Variants in SGCZ observed in about 807,000 individuals in gnomAD.
SGCZ encodes sarcoglycan zeta.
In SGCZ, 40 loss-of-function variants were observed where a neutral mutation model predicts 41.3. The observed-to-expected ratio is 0.97, with a 90% CI of 0.75 to 1.26. The LOEUF (loss-of-function observed/expected upper bound fraction) is 1.26, where lower values mean the gene tolerates loss of function less well. Ranked by LOEUF, SGCZ falls within the 50% of genes most tolerant of loss-of-function variation. The probability of loss-of-function intolerance (pLI) is 0.00; values close to 1 mark genes in which losing one functional copy is unlikely to be tolerated. For synonymous variants in SGCZ, 206 were observed against 137.5 expected, an observed-to-expected ratio of 1.50 and a Z score of -3.49; for missense variants, 552 against 369.8, an observed-to-expected ratio of 1.49 and a Z score of -4.04.
chr8:14,897,772 G>A (rs1805256014), intron 1 of SGCZ, among the ~76,000 whole-genome samples: 1 of 152,130 alleles, frequency 6.6e-6, no homozygotes, highest in African/African-American at 2.4e-5. Context: ...CATGTGTGAT[G>A]TCTCTATCCT....
chr8:14,608,456 G>T (rs1250984595), intron 1 of SGCZ, among the ~76,000 whole-genome samples: 1 of 151,952 alleles, frequency 6.6e-6, no homozygotes, highest in Non-Finnish European at 1.5e-5. Context: ...GGAGGCGGGG[G>T]GCAGATGTGT....
intron 1 of SGCZ, among the ~76,000 whole-genome samples, chr8:14,667,400 G>A (rs146386967): frequency 1.4e-4 from 22 of 152,206 alleles, no homozygotes; most frequent in African/African-American, 2.4e-4. Flanking sequence ...AAAATCCAGT[G>A]CACAAAATGT....
intron 1 of SGCZ, among the ~76,000 whole-genome samples, chr8:14,560,626 T>A (rs12680094): frequency 1.3e-4 from 20 of 151,994 alleles, no homozygotes; most frequent in Non-Finnish European, 2.4e-4. Flanking sequence ...TTCTAGAATG[T>A]TCTATTTCTA....
chr8:14,515,456 A>G (rs1231257799), intron 2 of SGCZ, among the ~76,000 whole-genome samples: 6 of 152,140 alleles, frequency 3.9e-5, no homozygotes, highest in East Asian at 1.9e-4. Flanking sequence ...CTTGGTTTCT[A>G]ACATAACACT....
At chr8:14,298,128 A>G (rs1446025077) in intron 3 of SGCZ, among the ~76,000 whole-genome samples, 4 of 152,028 alleles carry the variant, frequency 2.6e-5, no homozygotes, top group African/African-American at 7.2e-5. Context: ...TTTAATAGAT[A>G]CAGAAAGATA....
chr8:14,156,437 G>C (rs1182685809), intron 5 of SGCZ, among the ~76,000 whole-genome samples: 2 of 151,788 alleles, frequency 1.3e-5, no homozygotes, highest in Admixed American at 6.6e-5. Context: ...CTCCAGCCTG[G>C]GTGACGGAGT....
intron 2 of SGCZ, among the ~76,000 whole-genome samples, chr8:14,413,078 A>G (rs1799403938): frequency 6.6e-6 from 1 of 152,076 alleles, no homozygotes; most frequent in Admixed American, 6.6e-5. Context: ...ATAAAGATCA[A>G]TGCATTAAAA....
At chr8:14,921,353 T>C (rs1461569740) in intron 1 of SGCZ, among the ~76,000 whole-genome samples, 1 of 152,188 alleles carries the variant, frequency 6.6e-6, no homozygotes, top group East Asian at 1.9e-4. Flanking sequence ...AGTTCAAATA[T>C]CAGTTCCTCA....
intron 1 of SGCZ, among the ~76,000 whole-genome samples, chr8:14,896,019 T>C (rs1648041034): frequency 6.6e-6 from 1 of 152,176 alleles, no homozygotes; most frequent in Non-Finnish European, 1.5e-5. Context: ...CTCAGTCCAA[T>C]CTCTACTTAG....
Position 14,637,358 on chromosome 8 carries a change from C to A in SGCZ, c.40-82432G>T, listed in dbSNP as rs116264222. On this transcript the variant is annotated intron_variant, in intron 1 of 7. Coordinates refer to ENST00000382080, the MANE Select transcript of SGCZ (RefSeq NM_139167.4). Reference sequence around the variant, plus strand: ...TTATTTTAGACTCGGAGTACACGTGCAGGTTTGTTACACGAGTAAATTGCG... The same window carrying A: ...TTATTTTAGACTCGGAGTACACGTGAAGGTTTGTTACACGAGTAAATTGCG... Among the ~76,000 whole-genome samples the A allele has an allele frequency of 6.0e-5, 9 of 151,230 alleles. No homozygotes were observed. The East Asian group carries it at 1.2e-3, about 20-fold the overall frequency.
At chr8:14,514,969 G>A (rs562038758) in intron 2 of SGCZ, among the ~76,000 whole-genome samples, 6 of 151,818 alleles carry the variant, frequency 4.0e-5, no homozygotes, top group African/African-American at 7.2e-5. Context: ...ATCCAATTCC[G>A]ATTATAATTG....
At chr8:14,566,893 T>C (rs915672113) in intron 1 of SGCZ, among the ~76,000 whole-genome samples, 1 of 151,838 alleles carries the variant, frequency 6.6e-6, no homozygotes, top group African/African-American at 2.4e-5. Flanking sequence ...GGTGGGCGGC[T>C]GTGGGCTCGG....
chr8:15,133,431 T>C (rs532975533), intron 1 of SGCZ, among the ~76,000 whole-genome samples: 1 of 152,314 alleles, frequency 6.6e-6, no homozygotes, highest in African/African-American at 2.4e-5. Context: ...TAGCCCTCAG[T>C]GAAAATCTTT....
intron 1 of SGCZ, among the ~76,000 whole-genome samples, chr8:14,842,987 C>T (rs144687399): frequency 2.0e-5 from 3 of 152,248 alleles, no homozygotes; most frequent in East Asian, 1.9e-4. Flanking sequence ...CCAAGGCGAG[C>T]GGATCTCCTG....
intron 2 of SGCZ, among the ~76,000 whole-genome samples, chr8:14,407,669 T>A (rs1403438116): frequency 6.6e-6 from 1 of 152,200 alleles, no homozygotes; most frequent in Non-Finnish European, 1.5e-5. Flanking sequence ...AAATATTGTT[T>A]TCTTGTTAAG....
At chr8:14,124,035 G>A (rs944270032) in intron 5 of SGCZ, among the ~76,000 whole-genome samples, 1 of 152,112 alleles carries the variant, frequency 6.6e-6, no homozygotes, top group Non-Finnish European at 1.5e-5. Context: ...AGCTGGAAAA[G>A]CAAAGGAAAC....
chr8:14,194,185 T>C (rs1041037065), intron 4 of SGCZ, among the ~76,000 whole-genome samples: 3 of 151,918 alleles, frequency 2.0e-5, no homozygotes, highest in Admixed American at 2.0e-4. Context: ...CTTTAAAAGG[T>C]AAATATTATC....
At chr8:15,064,645 G>C (rs568195409) in intron 1 of SGCZ, among the ~76,000 whole-genome samples, 2 of 151,852 alleles carry the variant, frequency 1.3e-5, no homozygotes, top group South Asian at 4.2e-4. Flanking sequence ...CAAGATGCTG[G>C]ACCTCTCATT....
At chr8:14,179,905 T>C (rs999227248) in intron 4 of SGCZ, among the ~76,000 whole-genome samples, 7 of 152,046 alleles carry the variant, frequency 4.6e-5, no homozygotes, top group African/African-American at 1.7e-4. Flanking sequence ...ACTGGACACA[T>C]ATAGAGCAAG....
Sources: allele counts gnomAD v4.1 joint callset (sites outside exome capture counted in the v4.1 genomes callset), GRCh38; gene constraint gnomAD v4.1.1; transcripts MANE v1.5; gene names NCBI Gene and HGNC (gene_info 2026-07-23, HGNC 2026-07-21).